NKAIN2: variants seen among roughly 807,000 people sequenced by gnomAD.
NKAIN2 encodes the protein sodium/potassium transporting ATPase interacting 2.
NKAIN2 carries 14 observed loss-of-function variants against 32.6 expected under a neutral mutation model. The ratio of observed to expected loss-of-function variants is 0.43; its 90% CI spans 0.28 to 0.67. The LOEUF (loss-of-function observed/expected upper bound fraction) is 0.67, where lower values mean the gene tolerates loss of function less well. Ranked by LOEUF, NKAIN2 falls within the 30% of genes least tolerant of loss-of-function variation. The probability of loss-of-function intolerance (pLI) is 0.17; values close to 1 mark genes in which losing one functional copy is unlikely to be tolerated. For synonymous variants in NKAIN2, 80 were observed against 87.2 expected (o/e 0.92, Z 0.46); for missense variants, 198 against 258.3 (o/e 0.77, Z 1.60).
intron 1 of NKAIN2, among the ~76,000 whole-genome samples, chr6:124,024,133 A>G (rs1000807635): frequency 7.2e-5 from 11 of 152,168 alleles, no homozygotes; most frequent in Non-Finnish European, 1.3e-4. Context: ...CACTTCTGGT[A>G]TGTACAAGAA....
intron 1 of NKAIN2, among the ~76,000 whole-genome samples, chr6:124,070,440 T>C (rs1486629672): frequency 6.6e-6 from 1 of 152,190 alleles, no homozygotes; most frequent in Non-Finnish European, 1.5e-5. Context: ...TATACTTGGA[T>C]AGAAACATTA....
intron 1 of NKAIN2, among the ~76,000 whole-genome samples, chr6:124,279,936 A>G (rs2114911467): frequency 6.6e-6 from 1 of 152,320 alleles, no homozygotes; most frequent in East Asian, 1.9e-4. Context: ...AGGGAAGATA[A>G]TTCTTTGTGG....
At chr6:124,552,386 C>T (rs648434) in intron 3 of NKAIN2, among the ~76,000 whole-genome samples, 142,139 of 152,234 alleles carry the variant, frequency 0.93, 67,173 homozygotes, top group East Asian at 1. Flanking sequence ...ATCTCTCTGG[C>T]ATCCAAAGTG....
At chr6:123,954,447 A>G (rs960344591) in intron 1 of NKAIN2, among the ~76,000 whole-genome samples, 1 of 152,106 alleles carries the variant, frequency 6.6e-6, no homozygotes, top group African/African-American at 2.4e-5. Context: ...CTCCCCCCAA[A>G]TCCCAGACAA....
chr6:123,988,911 G>GTC (rs1779288191), intron 1 of NKAIN2, among the ~76,000 whole-genome samples: 1 of 142,810 alleles, frequency 7.0e-6, no homozygotes, highest in East Asian at 2.2e-4. Context: ...GTGTGTATGT[G>GTC]AGTGTGTATT....
At chr6:124,566,714 A>T (rs1780927452) in intron 3 of NKAIN2, among the ~76,000 whole-genome samples, 1 of 152,168 alleles carries the variant, frequency 6.6e-6, no homozygotes, top group Non-Finnish European at 1.5e-5. Flanking sequence ...TTAATATACT[A>T]ATATGCACTT....
chr6:124,100,037 T>C (rs950075287), intron 1 of NKAIN2, among the ~76,000 whole-genome samples: 3 of 152,218 alleles, frequency 2.0e-5, no homozygotes, highest in African/African-American at 7.2e-5. Context: ...TTCTTGTGAT[T>C]GGAATTTTAA....
chr6:124,373,353 T>C (rs1799850945), intron 3 of NKAIN2, among the ~76,000 whole-genome samples: 1 of 152,122 alleles, frequency 6.6e-6, no homozygotes, highest in Non-Finnish European at 1.5e-5. Context: ...GAAAGTAGTA[T>C]GTGTGCAGAA....
chr6:124,779,198 C>A (rs1011419509), intron 4 of NKAIN2, among the ~76,000 whole-genome samples: 1 of 147,734 alleles, frequency 6.8e-6, no homozygotes, highest in Non-Finnish European at 1.5e-5. Context: ...GAGCAGAGAT[C>A]GTGCCACTGC....
At chr6:124,013,077 A>G (rs1451021274) in intron 1 of NKAIN2, among the ~76,000 whole-genome samples, 1 of 152,214 alleles carries the variant, frequency 6.6e-6, no homozygotes, top group Non-Finnish European at 1.5e-5. Context: ...TTTCCTTAAT[A>G]ACTAACGATG....
In NKAIN2 at chr6:124,001,513, C is replaced by T. The variant is rs533687593; in HGVS notation, c.54+197259C>T. Among the ~76,000 whole-genome samples the T allele has an allele frequency of 1.6e-4, 24 of 151,966 alleles. No homozygotes were observed. In the South Asian group the frequency reaches 5.0e-3, roughly 32 times the overall value. ...CTGCATAACAGAGTATCATACACCA[C>T]ATTTCATTTACATAGACCTCTGGTT... On this transcript the variant is annotated intron_variant, in intron 1 of 6. Transcript: ENST00000368417.
intron 2 of NKAIN2, among the ~76,000 whole-genome samples, chr6:124,325,619 G>A (rs996952895): frequency 6.6e-6 from 1 of 152,132 alleles, no homozygotes; most frequent in African/African-American, 2.4e-5. Context: ...GAAACATTAT[G>A]TGGAGTGATA....
intron 4 of NKAIN2, among the ~76,000 whole-genome samples, chr6:124,716,766 G>A (rs1191987650): frequency 6.7e-6 from 1 of 149,752 alleles, no homozygotes; most frequent in African/African-American, 2.5e-5. Flanking sequence ...TTTCTCCATT[G>A]TGCTTATGTC....
At chr6:124,041,356 T>C (rs143510757) in intron 1 of NKAIN2, among the ~76,000 whole-genome samples, 77 of 152,172 alleles carry the variant, frequency 5.1e-4, no homozygotes, top group African/African-American at 1.6e-3. Context: ...CTTTTAAAAC[T>C]GTGTTGGAGA....
At chr6:123,817,642 A>G (rs1334940496) in intron 1 of NKAIN2, among the ~76,000 whole-genome samples, 1 of 152,090 alleles carries the variant, frequency 6.6e-6, no homozygotes, top group Non-Finnish European at 1.5e-5. Flanking sequence ...CATCCCTTTG[A>G]CCTATGAAAA....
At chr6:124,343,895 A>T (rs1296019658) in intron 2 of NKAIN2, among the ~76,000 whole-genome samples, 3 of 134,938 alleles carry the variant, frequency 2.2e-5, no homozygotes, top group African/African-American at 5.0e-5. Context: ...TTTAGACATG[A>T]AGTCGTTGCA....
intron 3 of NKAIN2, among the ~76,000 whole-genome samples, chr6:124,375,418 A>G (rs150798972): frequency 4.1e-4 from 61 of 147,810 alleles, no homozygotes; most frequent in African/African-American, 1.4e-3. Context: ...ATATATGTAT[A>G]TAAATTACAT....
chr6:124,483,203 C>T (rs1777525276), intron 3 of NKAIN2, among the ~76,000 whole-genome samples: 1 of 152,080 alleles, frequency 6.6e-6, no homozygotes, highest in African/African-American at 2.4e-5. Flanking sequence ...TTGTAAAATG[C>T]TTCTATTATA....
intron 3 of NKAIN2, among the ~76,000 whole-genome samples, chr6:124,652,778 A>G (rs1784411086): frequency 6.6e-6 from 1 of 152,078 alleles, no homozygotes; most frequent in Non-Finnish European, 1.5e-5. Flanking sequence ...TAACAAACCC[A>G]CTTGCATGAT....
Sources: allele counts gnomAD v4.1 joint callset (sites outside exome capture counted in the v4.1 genomes callset), GRCh38; gene constraint gnomAD v4.1.1; transcripts MANE v1.5; gene names NCBI Gene and HGNC (gene_info 2026-07-23, HGNC 2026-07-21).